The following RPL21 variants were observed in gnomAD, a reference collection of about 807,000 sequenced individuals.
The protein encoded by RPL21 is large ribosomal subunit protein eL21.
In RPL21, 1 loss-of-function variant was observed where a neutral mutation model predicts 21.2. The observed-to-expected ratio is 0.05, with a 90% confidence interval of 0.02 to 0.22. The LOEUF is 0.22. RPL21 is among the 10% of genes least tolerant of loss of function. The pLI, the probability that RPL21 is intolerant of heterozygous loss-of-function variation, is 1.00. For synonymous variants in RPL21, 52 were observed against 62.9 expected (o/e 0.83, Z 0.82); for missense variants, 113 against 199.4 (o/e 0.57, Z 2.61).
intron 1 of RPL21, among the ~76,000 whole-genome samples, chr13:27,252,351 G>A (rs2137906634): frequency 6.6e-6 from 1 of 152,288 alleles, no homozygotes; most frequent in South Asian, 2.1e-4. Context: ...TCATCATTTT[G>A]TCTAGTTTGT....
intron 3 of RPL21, chr13:27,254,797 A>G: frequency 5.8e-6 from 2 of 344,094 alleles, no homozygotes; most frequent in South Asian, 4.7e-5. Flanking sequence ...GGATTATTAC[A>G]GGTGTGAACC....
At chr13:27,255,900 G>A in intron 4 of RPL21, 1 of 367,474 alleles carries the variant, frequency 2.7e-6, no homozygotes, top group South Asian at 2.7e-5. Context: ...AAAAAGAGAA[G>A]TTTAGTAAAC....
At chr13:27,254,452 A>G (rs981434032) in intron 3 of RPL21, 171 bp downstream of exon 3, 3 of 556,606 alleles carry the variant, frequency 5.4e-6, no homozygotes, top group Non-Finnish European at 6.2e-6. Flanking sequence ...CTGGAGTGCA[A>G]TGGCATGATC....
intron 1 of RPL21, chr13:27,253,557 TGTTATA>T (rs757291636): frequency 3.7e-4 from 186 of 505,502 alleles, no homozygotes; most frequent in Admixed American, 8.8e-4. Flanking sequence ...AGAGTTTTGA[TGTTATA>T]GAACTTGGGC....
intron 4 of RPL21, 112 bp downstream of exon 4, chr13:27,255,466 A>C: frequency 1.3e-6 from 1 of 771,092 alleles, no homozygotes; most frequent in Non-Finnish European, 2.4e-6. Flanking sequence ...GGCAAAGGAA[A>C]TATCCTTTTA....
intron 3 of RPL21, chr13:27,254,986 C>G (rs1881826355): frequency 3.1e-6 from 2 of 641,136 alleles, no homozygotes; most frequent in Admixed American, 2.1e-5. Flanking sequence ...ATGAAGATTA[C>G]TATTACTATG....
rs74041087 is a variant in RPL21 at position 27,253,852 on chromosome 13, G to A, written c.67+9G>A. ...GCCTTTTAGAAAACATGGTAAGTAG[G>A]TTTACCTTCCTTGAGAGAAGCATGG... On this transcript the variant is annotated intron_variant, in intron 2 of 5. Coordinates refer to ENST00000311549, the MANE Select transcript of RPL21 (RefSeq NM_000982.4). The A allele has an allele frequency of 3.0e-3, 4,571 of 1,519,836 alleles. 112 individuals are homozygous for A. In the African/African-American group the frequency reaches 0.054, roughly 18 times the overall value. The allele number at this position is 1,519,836 out of a possible 1,614,324, so 94.1% of individuals were successfully genotyped here. A position where few individuals can be genotyped will look rare whatever the true frequency, so the allele number is the denominator to read the frequency against.
At chr13:27,255,490 C>T (rs1347762052) in intron 4 of RPL21, 136 bp downstream of exon 4, 1 of 765,908 alleles carries the variant, frequency 1.3e-6, no homozygotes, top group Non-Finnish European at 2.4e-6. Flanking sequence ...CTCAGGCAAA[C>T]TGGGTGTTTG....
chr13:27,254,623 G>C (rs1007383945), intron 3 of RPL21, among the ~76,000 whole-genome samples: 1 of 151,502 alleles, frequency 6.6e-6, no homozygotes, highest in African/African-American at 2.4e-5. Context: ...TGAACACCTC[G>C]GGTGATCTGC....
chr13:27,253,849 T>G lies in RPL21; in HGVS notation c.67+6T>G. ...TAGGCCTTTTAGAAAACATGGTAAGTAGGTTTACCTTCCTTGAGAGAAGCA... is the reference window on the plus strand; with the variant it reads ...TAGGCCTTTTAGAAAACATGGTAAGGAGGTTTACCTTCCTTGAGAGAAGCA... On this transcript the variant is annotated splice_donor_region_variant and intron_variant, in intron 2 of 5. Coordinates refer to ENST00000311549, the MANE Select transcript of RPL21 (RefSeq NM_000982.4). 4.6e-6 allele frequency: 7 copies of G among 1,524,614 alleles called. No homozygotes were observed. The highest frequency in any genetic ancestry group is 6.4e-6 in the Non-Finnish European group (7 of 1,098,574). The allele number at this position is 1,524,614 out of a possible 1,614,324, so 94.4% of individuals were successfully genotyped here. A position where few individuals can be genotyped will look rare whatever the true frequency, so the allele number is the denominator to read the frequency against.
intron 1 of RPL21, 93 bp from the exon 2 acceptor site, chr13:27,253,672 T>A (rs1566038495): frequency 4.0e-6 from 3 of 747,970 alleles, no homozygotes; most frequent in Non-Finnish European, 7.4e-6. Flanking sequence ...CAGTTCTCAC[T>A]TCGCTACTGA....
intron 2 of RPL21, among the ~76,000 whole-genome samples, 186 bp downstream of exon 2, chr13:27,254,029 G>T (rs1881771699): frequency 1.3e-5 from 2 of 152,192 alleles, no homozygotes; most frequent in South Asian, 4.1e-4. Context: ...AAGTATTGAT[G>T]CAAGATTAAA....
At chr13:27,255,176 G>A (rs757969429) in intron 3 of RPL21, 66 bp from the exon 4 acceptor site, 1 of 797,570 alleles carries the variant, frequency 1.3e-6, no homozygotes, top group East Asian at 2.4e-5. Context: ...ATACTTTGCA[G>A]TTACTTAAAG....
chr13:27,253,650 G>A (rs1161580201), intron 1 of RPL21, 115 bp from the exon 2 acceptor site: 2 of 703,056 alleles, frequency 2.8e-6, no homozygotes, highest in African/African-American at 1.8e-5. Context: ...TGGTGATCCA[G>A]CTTTCAGTTT....
chr13:27,255,762 CAG>C, intron 4 of RPL21: 1 of 351,628 alleles, frequency 2.8e-6, no homozygotes, highest in South Asian at 2.2e-5. Context: ...TTAGTAGAGA[CAG>C]GGTTTCACTG....
chr13:27,256,392 C>T, intron 5 of RPL21, 44 bp from the exon 6 acceptor site: 1 of 1,562,384 alleles, frequency 6.4e-7, no homozygotes, highest in Non-Finnish European at 8.8e-7. Context: ...TGAGATTTAA[C>T]ACATCACATA....
intron 1 of RPL21, among the ~76,000 whole-genome samples, chr13:27,252,677 C>T (rs2137907081): frequency 6.6e-6 from 1 of 152,268 alleles, no homozygotes; most frequent in Non-Finnish European, 1.5e-5. Flanking sequence ...CATCTAAAGG[C>T]TTTGGGGATT....
rs139680171 is a variant in RPL21, at chr13:27,254,057, G to C, written c.68-163G>C. ...AGATTAAACTTTGGAGAGAGGTTGT[G>C]ATTTAGTAGGCTGATTGTGCTGTCA... On this transcript the variant is annotated intron_variant, in intron 2 of 5. Coordinates refer to ENST00000311549, the MANE Select transcript of RPL21 (RefSeq NM_000982.4). Among the ~76,000 whole-genome samples, 62 of 152,314 alleles carry C rather than the reference G, an allele frequency of 4.1e-4. No individual in the cohort carries two copies. The East Asian group carries it at 0.01, about 25-fold the overall frequency.
chr13:27,254,874 A>G, intron 3 of RPL21: 1 of 380,234 alleles, frequency 2.6e-6, no homozygotes, highest in Non-Finnish European at 5.0e-6. Context: ...TTTCCTCATT[A>G]CCCGCTTGGA....
Sources: gnomAD v4.1 joint callset for allele counts (sites outside exome capture counted in the v4.1 genomes callset) on GRCh38, gnomAD v4.1.1 for gene constraint, MANE v1.5 for transcripts, NCBI Gene and HGNC (gene_info 2026-07-23, HGNC 2026-07-21) for gene names.